The following TCERG1L variants were observed in gnomAD, a reference collection of about 807,000 sequenced individuals.
TCERG1L encodes transcription elongation regulator 1-like protein.
A neutral mutation model predicts 56.3 loss-of-function variants in TCERG1L; 37 were observed. The observed-to-expected ratio is 0.66, with a 90% CI of 0.51 to 0.87. The LOEUF (loss-of-function observed/expected upper bound fraction) is 0.87. Ranked by LOEUF, TCERG1L falls within the 40% of genes least tolerant of loss-of-function variation. The probability of loss-of-function intolerance (pLI) is 0.00; values close to 1 mark genes in which losing one functional copy is unlikely to be tolerated. For synonymous variants in TCERG1L, 324 were observed against 326.3 expected (o/e 0.99, Z 0.08); for missense variants, 799 against 774.2 (o/e 1.03, Z -0.38).
At chr10:131,286,905 G>T (rs1007361013) in intron 3 of TCERG1L, among the ~76,000 whole-genome samples, 2 of 152,230 alleles carry the variant, frequency 1.3e-5, no homozygotes, top group African/African-American at 2.4e-5. Context: ...CCTGACCTGG[G>T]CTAGCCCAGA....
chr10:131,138,608 A>T (rs1589725885), intron 7 of TCERG1L, among the ~76,000 whole-genome samples: 1 of 152,370 alleles, frequency 6.6e-6, no homozygotes, highest in East Asian at 1.9e-4. Flanking sequence ...GAAGAAGTCC[A>T]TGTGTAAAAA....
chr10:131,250,129 C>T (rs948906327), intron 4 of TCERG1L, among the ~76,000 whole-genome samples: 5 of 152,194 alleles, frequency 3.3e-5, no homozygotes, highest in South Asian at 2.1e-4. Context: ...GCGGCGTGCA[C>T]GCCTGACGGG....
chr10:131,114,612 A>G (rs1461091149), intron 9 of TCERG1L, among the ~76,000 whole-genome samples: 4 of 152,164 alleles, frequency 2.6e-5, no homozygotes, highest in Non-Finnish European at 5.9e-5. Flanking sequence ...AAAGGCCCTG[A>G]AAATCTCATT....
chr10:131,305,478 A>G (rs1846810656), intron 3 of TCERG1L, among the ~76,000 whole-genome samples: 1 of 152,108 alleles, frequency 6.6e-6, no homozygotes, highest in Non-Finnish European at 1.5e-5. Flanking sequence ...TCTCTACCAG[A>G]GAGATTCCAA....
At chr10:131,175,850 G>A (rs923439273) in intron 4 of TCERG1L, among the ~76,000 whole-genome samples, 4 of 152,184 alleles carry the variant, frequency 2.6e-5, no homozygotes, top group African/African-American at 9.7e-5. Flanking sequence ...CAGAAACGAA[G>A]ACAGGGATTG....
intron 9 of TCERG1L, among the ~76,000 whole-genome samples, chr10:131,110,945 C>T (rs1028351389): frequency 5.6e-5 from 8 of 142,654 alleles, no homozygotes; most frequent in African/African-American, 2.0e-4. Context: ...CCGACAGAAG[C>T]AGAACGCTGC....
chr10:131,172,185 C>A (rs1324095363), intron 4 of TCERG1L, among the ~76,000 whole-genome samples: 1 of 151,974 alleles, frequency 6.6e-6, no homozygotes, highest in Non-Finnish European at 1.5e-5. Context: ...CAGCCCTCAC[C>A]ATGAGGCTGT....
chr10:131,210,895 C>T (rs1316958474), intron 4 of TCERG1L, among the ~76,000 whole-genome samples: 14 of 152,242 alleles, frequency 9.2e-5, no homozygotes, highest in Admixed American at 8.5e-4. Context: ...GCCACCGAAA[C>T]AGCAAGTCAT....
At chr10:131,194,629 T>C (rs1845337774) in intron 4 of TCERG1L, among the ~76,000 whole-genome samples, 1 of 152,194 alleles carries the variant, frequency 6.6e-6, no homozygotes, top group Non-Finnish European at 1.5e-5. Flanking sequence ...TATATACTAA[T>C]TCTCTCATGA....
chr10:131,161,022 C>T (rs1845971612), intron 6 of TCERG1L: 1 of 152,246 alleles, frequency 6.6e-6, no homozygotes, highest in South Asian at 2.1e-4. Context: ...CTTGGAGACA[C>T]TGGAGAGTTT....
chr10:131,226,652 AAC>A (rs1845793663), intron 4 of TCERG1L, among the ~76,000 whole-genome samples: 1 of 152,226 alleles, frequency 6.6e-6, no homozygotes, highest in Non-Finnish European at 1.5e-5. Flanking sequence ...GAGGGAGGGA[AAC>A]ACAGCCCCAA....
intron 3 of TCERG1L, among the ~76,000 whole-genome samples, chr10:131,306,299 G>T (rs1224071718): frequency 6.6e-6 from 1 of 151,932 alleles, no homozygotes; most frequent in African/African-American, 2.4e-5. Flanking sequence ...AAGCAACTCA[G>T]AAATTACCAT....
chr10:131,285,562 GAAA>G (rs879873775), intron 3 of TCERG1L, among the ~76,000 whole-genome samples: 1 of 138,678 alleles, frequency 7.2e-6, no homozygotes, highest in Non-Finnish European at 1.6e-5. Flanking sequence ...AAGGAAGAAA[GAAA>G]AAGAAAGAAA....
chr10:131,290,884 A>T (rs1846612276), intron 3 of TCERG1L, among the ~76,000 whole-genome samples: 1 of 152,202 alleles, frequency 6.6e-6, no homozygotes, highest in Non-Finnish European at 1.5e-5. Flanking sequence ...CTGGAGCTAG[A>T]ATCACTGAAT....
chr10:131,180,631 T>TTA (rs1272796995), intron 4 of TCERG1L, among the ~76,000 whole-genome samples: 1 of 152,204 alleles, frequency 6.6e-6, no homozygotes, highest in Non-Finnish European at 1.5e-5. Flanking sequence ...TTTGACCATG[T>TTA]TAAAATGAAG....
At chr10:131,165,645 A>G (rs925795339) in intron 5 of TCERG1L, among the ~76,000 whole-genome samples, 6 of 152,214 alleles carry the variant, frequency 3.9e-5, no homozygotes, top group Non-Finnish European at 7.3e-5. Flanking sequence ...AGTTCATTGA[A>G]CAATAGAAAC....
At chr10:131,211,805 T>G (rs929959041) in intron 4 of TCERG1L, among the ~76,000 whole-genome samples, 11 of 152,056 alleles carry the variant, frequency 7.2e-5, no homozygotes, top group Non-Finnish European at 1.6e-4. Flanking sequence ...CAGCGTCACC[T>G]CTAGTGCAGA....
chr10:131,166,879 C>G lies in TCERG1L; in HGVS notation c.863G>C (p.Arg288Thr), dbSNP rs1846037391. Residue 288 changes from arginine (R) to threonine (T), a missense_variant, in exon 5 of 12, where the codon AGG (arginine) becomes ACG (threonine). Coordinates refer to ENST00000368642, the MANE Select transcript of TCERG1L (RefSeq NM_174937.4). ...GCGGGCCACTCGGCCCCGCTCTGTC[C>G]TTGTATCTGTTGGGCCAAAGCAGTT... is the stretch of plus-strand genomic sequence containing the variant. Reference protein sequence around the residue: ...PLRTSPVSDTRTERGRVARPP... With the variant: ...PLRTSPVSDTTTERGRVARPP... 1 of 1,611,180 alleles carries G rather than the reference C, an allele frequency of 6.2e-7. No homozygotes were observed. The highest frequency in any genetic ancestry group is 1.7e-5 in the Admixed American group (1 of 59,862).
At chr10:131,130,909 A>AC (rs1342013076) in intron 8 of TCERG1L, among the ~76,000 whole-genome samples, 8 of 151,762 alleles carry the variant, frequency 5.3e-5, no homozygotes, top group Non-Finnish European at 1.0e-4. Context: ...ACGGGCATCA[A>AC]CCCCCCGGCA....
Sources: gnomAD v4.1 joint callset for allele counts (sites outside exome capture counted in the v4.1 genomes callset) on GRCh38, gnomAD v4.1.1 for gene constraint, MANE v1.5 for transcripts, NCBI Gene and HGNC (gene_info 2026-07-23, HGNC 2026-07-21) for gene names.